The following ECSIT variants were observed in gnomAD, a reference collection of about 807,000 sequenced individuals.
ECSIT encodes the protein evolutionarily conserved signaling intermediate in Toll pathway, mitochondrial.
In ECSIT, 29 loss-of-function variants were observed where a neutral mutation model predicts 36.8. The observed-to-expected ratio is 0.79, with a 90% CI of 0.59 to 1.08. The LOEUF is 1.08. Among genes scored for constraint, ECSIT ranks in the 50% least tolerant of loss-of-function variants. The pLI is 0.00. For missense variants in ECSIT, 542 were observed against 581.0 expected (o/e 0.93, Z 0.69); for synonymous variants, 231 against 234.8 (o/e 0.98, Z 0.15).
At position 11,515,261 on chromosome 19, in the gene ECSIT, G is replaced by A. The variant is rs548530835; in HGVS notation, c.97-1040C>T. On this transcript the variant is annotated intron_variant, in intron 2 of 7. Transcript: ENST00000270517. Reference sequence around the variant, plus strand: ...TGGGACTACAGGCGCCTGCCACCACGCCCAGCTAATTTTTTGGATTTTTAG... The same window carrying A: ...TGGGACTACAGGCGCCTGCCACCACACCCAGCTAATTTTTTGGATTTTTAG... Among the ~76,000 whole-genome samples the A allele has an allele frequency of 4.5e-4, 68 of 151,886 alleles. 1 individual carries two copies. The South Asian group carries it at 0.011, about 24-fold the overall frequency.
chr19:11,527,467 G>A (rs1972239347), intron 1 of ECSIT, among the ~76,000 whole-genome samples: 1 of 152,098 alleles, frequency 6.6e-6, no homozygotes, highest in Non-Finnish European at 1.5e-5. Context: ...GATCACTTGA[G>A]CCCAGGGATT....
chr19:11,508,894 C>T (rs1447374923), intron 4 of ECSIT, among the ~76,000 whole-genome samples: 1 of 152,078 alleles, frequency 6.6e-6, no homozygotes, highest in Non-Finnish European at 1.5e-5. Flanking sequence ...ATAATAAGTG[C>T]TCAGTGCTTG....
At chr19:11,506,589 C>T (rs1971748060) in intron 7 of ECSIT, among the ~76,000 whole-genome samples, 161 bp from the exon 8 acceptor site, 1 of 134,340 alleles carries the variant, frequency 7.4e-6, no homozygotes, top group Admixed American at 8.5e-5. Flanking sequence ...GGCTGGAGTG[C>T]AGTGGCGAGA....
At chr19:11,508,088 T>C (rs1312935965) in intron 4 of ECSIT, 40 bp from the exon 5 acceptor site, 1 of 1,609,816 alleles carries the variant, frequency 6.2e-7, no homozygotes, top group African/African-American at 1.3e-5. Flanking sequence ...TAACCCCCAA[T>C]CCCCTACAGA....
Position 11,513,112 on chromosome 19 carries a change from T to C in ECSIT, c.682A>G (p.Met228Val), listed in dbSNP as rs1175584165. The change falls in exon 4 of 8, where the codon ATG becomes GTG. Residue 228 changes from methionine to valine, a missense_variant. By Grantham distance (21) the Met-to-Val change is conservative. Transcript: ENST00000270517. The stretch of plus-strand genomic sequence containing the variant: ...GGCTCCATGTGCCGCAGGCCAAACA[T>C]GGCCAGCTCCACAGGGTCCTGGGGC... ...DLPQDPVELA[M>V]FGLRHMEPDL... The C allele has an allele frequency of 2.5e-6, 4 of 1,614,136 alleles. No homozygotes were observed. Among genetic ancestry groups the C allele is most frequent in the Admixed American group, 1.7e-5 (1 of 60,020 alleles).
At chr19:11,523,508 GC>G in intron 1 of ECSIT, 1 of 1,087,312 alleles carries the variant, frequency 9.2e-7, no homozygotes. Flanking sequence ...GCTGAAGACC[GC>G]CCTCATCCAC....
intron 1 of ECSIT, among the ~76,000 whole-genome samples, chr19:11,526,355 C>T (rs1402431516): frequency 6.6e-6 from 1 of 152,172 alleles, no homozygotes; most frequent in Non-Finnish European, 1.5e-5. Flanking sequence ...CCAATGTTCA[C>T]CTCAATCCCT....
rs766006424 is a variant in ECSIT, at chr19:11,513,827, A to G, written c.491T>C (p.Val164Ala). The change falls in exon 3 of 8, where the codon GTC becomes GCC. Residue 164 changes from valine (V) to alanine (A), a missense_variant. Physicochemically the swap from Val to Ala is moderately conservative, Grantham distance 64 (BLOSUM62 0). Coordinates refer to ENST00000270517, the MANE Select transcript of ECSIT (RefSeq NM_016581.5). Reference protein sequence around the residue: ...YPRQQECGIAVLEQMENHGVM... With the variant: ...YPRQQECGIAALEQMENHGVM... ...ACCGTGGTTCTCCATCTGCTCCAGG[A>G]CAGCAATCCCACACTCCTGCTGCCG... 3.1e-6 allele frequency: 5 copies of G among 1,614,046 alleles called. No individual in the cohort carries two copies. The South Asian group carries it at 5.5e-5, about 18-fold the overall frequency.
At position 11,514,154 on chromosome 19, in the gene ECSIT, A is replaced by G. The variant is rs1442294394; in HGVS notation, c.164T>C (p.Val55Ala). The G allele has an allele frequency of 1.2e-6, 2 of 1,613,494 alleles. No individual in the cohort carries two copies. Among genetic ancestry groups the G allele is most frequent in the Non-Finnish European group, 1.7e-6 (2 of 1,179,734 alleles). Reference sequence around the variant, plus strand: ...CTGCCGGGGTTCCGGTGGGCTGGGAACCAGGGACTGTTCAGAGCTATGGGC... The same window carrying G: ...CTGCCGGGGTTCCGGTGGGCTGGGAGCCAGGGACTGTTCAGAGCTATGGGC... Reference protein sequence around the residue: ...AAAHSSEQSLVPSPPEPRQRP... With the variant: ...AAAHSSEQSLAPSPPEPRQRP... Residue 55 changes from valine to alanine, a missense_variant, in exon 3 of 8, where the codon GTT becomes GCT. By Grantham distance (64) the Val-to-Ala change is moderately conservative. Transcript: ENST00000270517.
rs908014020 is a variant in ECSIT, at chr19:11,525,345, T to TA, written c.-24+3716dup. Among the ~76,000 whole-genome samples the TA allele has an allele frequency of 6.6e-5, 10 of 151,704 alleles. No individual in the cohort carries two copies. The South Asian group carries it at 8.3e-4, about 13-fold the overall frequency. On this transcript the variant is annotated intron_variant, in intron 1 of 7. Coordinates refer to ENST00000270517, the MANE Select transcript of ECSIT (RefSeq NM_016581.5). ...ACAACATAGCCAGACACTGTCTCTA[T>TA]AAAAAAATTTAAAAATTAACCAGGC...
Position 11,505,966 on chromosome 19 carries a change from G to T in ECSIT, c.*218C>A. 2 of 944,328 alleles carry T rather than the reference G, an allele frequency of 2.1e-6. No homozygotes were observed. The highest frequency in any genetic ancestry group is 3.1e-6 in the Non-Finnish European group (2 of 653,246). The allele number at this position is 944,328 out of a possible 1,614,324, so 58.5% of individuals were successfully genotyped here. A position where few individuals can be genotyped will look rare whatever the true frequency, so the allele number is the denominator to read the frequency against. ...ACAGCGCTCCCGCCCCTTTTTATTT[G>T]AATTCGGAGAACCAGAGGCGCCTGC... On this transcript the variant is annotated 3_prime_UTR_variant, in exon 8 of 8. Coordinates refer to ENST00000270517, the MANE Select transcript of ECSIT (RefSeq NM_016581.5).
At position 11,513,075 on chromosome 19, in the gene ECSIT, G is replaced by C. The variant is rs1046509408; in HGVS notation, c.719C>G (p.Ala240Gly). 6.2e-7 allele frequency: 1 copy of C among 1,614,140 alleles called. No homozygotes were observed. The highest frequency in any genetic ancestry group is 8.5e-7 in the Non-Finnish European group (1 of 1,180,034). The stretch of plus-strand genomic sequence containing the variant: ...GGATACCTGGTAGATGGTGACCCTG[G>C]CACTAAGGTCAGGCTCCATGTGCCG... ...GLRHMEPDLS[A>G]RVTIYQVPLP... is the part of the protein sequence containing the mutation. The change falls in exon 4 of 8, where the codon GCC becomes GGC. Residue 240 changes from alanine (A) to glycine (G), a missense_variant. Coordinates refer to ENST00000270517, the MANE Select transcript of ECSIT (RefSeq NM_016581.5).
At chr19:11,508,127 G>T in intron 4 of ECSIT, 79 bp from the exon 5 acceptor site, 1 of 1,545,054 alleles carries the variant, frequency 6.5e-7, no homozygotes, top group Non-Finnish European at 8.9e-7. Context: ...ACAGAAAGGG[G>T]GATACCAGGG....
At chr19:11,507,879 CCTG>C in intron 5 of ECSIT, 29 bp from the exon 6 acceptor site, 1 of 1,613,844 alleles carries the variant, frequency 6.2e-7, no homozygotes, top group Non-Finnish European at 8.5e-7. Context: ...TGCCCTGTGC[CCTG>C]CAAGGGACTC....
Position 11,505,960 on chromosome 19 carries a change from T to C in ECSIT, c.*224A>G, listed in dbSNP as rs1197890309. The C allele has an allele frequency of 6.4e-6, 6 of 938,190 alleles. No individual in the cohort carries two copies. The highest frequency in any genetic ancestry group is 5.0e-5 in the African/African-American group (3 of 59,416). 58.1% of individuals were successfully genotyped at this position (938,190 alleles called of 1,614,324 possible). A position where few individuals can be genotyped will look rare whatever the true frequency, so the allele number is the denominator to read the frequency against. On this transcript the variant is annotated 3_prime_UTR_variant, in exon 8 of 8. Coordinates refer to ENST00000270517, the MANE Select transcript of ECSIT (RefSeq NM_016581.5). ...CAACCAACAGCGCTCCCGCCCCTTT[T>C]TATTTGAATTCGGAGAACCAGAGGC... is the stretch of plus-strand genomic sequence containing the variant.
intron 1 of ECSIT, chr19:11,522,357 G>A: frequency 1.3e-6 from 1 of 791,700 alleles, no homozygotes; most frequent in Non-Finnish European, 2.2e-6. Flanking sequence ...TGAAGATGGA[G>A]GAGATAGCAG....
At chr19:11,509,566 A>G (rs552514238) in intron 4 of ECSIT, among the ~76,000 whole-genome samples, 2 of 151,238 alleles carry the variant, frequency 1.3e-5, no homozygotes, top group South Asian at 4.2e-4. Context: ...CCAGGAGTTC[A>G]AGACCAGCCT....
chr19:11,523,040 C>A (rs1320661599), intron 1 of ECSIT, among the ~76,000 whole-genome samples: 1 of 152,114 alleles, frequency 6.6e-6, no homozygotes, highest in Non-Finnish European at 1.5e-5. Flanking sequence ...CACTGCACTC[C>A]AGCCTGGGTG....
At chr19:11,510,450 T>C (rs1971846879) in intron 4 of ECSIT, among the ~76,000 whole-genome samples, 1 of 151,902 alleles carries the variant, frequency 6.6e-6, no homozygotes, top group South Asian at 2.1e-4. Context: ...AGTGCTGGGA[T>C]TACAGGCATG....
Sources: allele counts gnomAD v4.1 joint callset (sites outside exome capture counted in the v4.1 genomes callset), GRCh38; gene constraint gnomAD v4.1.1; transcripts MANE v1.5; gene names NCBI Gene and HGNC (gene_info 2026-07-23, HGNC 2026-07-21).